The following ENOX1 variants were observed in gnomAD, a reference collection of about 807,000 sequenced individuals.
ENOX1 encodes the protein ecto-NOX disulfide-thiol exchanger 1, also known as candidate growth-related and time keeping constitutive hydroquinone (NADH) oxidase.
Under a neutral mutation model 82.5 loss-of-function variants are expected in ENOX1, and 42 were observed. That is an observed-to-expected ratio of 0.51 (90% confidence interval 0.40 to 0.66). ENOX1 has a LOEUF of 0.66. ENOX1 is among the 30% of genes least tolerant of loss of function. ENOX1 has a pLI of 0.00. For synonymous variants in ENOX1, 271 were observed against 282.2 expected, an observed-to-expected ratio of 0.96 and a Z score of 0.40; for missense variants, 608 against 811.6, an observed-to-expected ratio of 0.75 and a Z score of 3.05.
intron 2 of ENOX1, among the ~76,000 whole-genome samples, chr13:43,504,604 A>G (rs1471240013): frequency 6.6e-6 from 1 of 151,666 alleles, no homozygotes; most frequent in African/African-American, 2.4e-5. Flanking sequence ...TAATATGAGG[A>G]ATCTAAAATA....
chr13:43,450,015 C>T (rs1371679731), intron 3 of ENOX1, among the ~76,000 whole-genome samples: 3 of 152,176 alleles, frequency 2.0e-5, no homozygotes, highest in Non-Finnish European at 2.9e-5. Flanking sequence ...TCCATTACCT[C>T]GGAGGCCTTA....
intron 5 of ENOX1, among the ~76,000 whole-genome samples, chr13:43,372,674 A>G (rs527347701): frequency 1.8e-4 from 28 of 152,244 alleles, no homozygotes; most frequent in Non-Finnish European, 3.2e-4. Context: ...CTCATCTGCT[A>G]TTAAAATTTT....
chr13:43,215,726 G>T (rs1035597615), intron 16 of ENOX1, among the ~76,000 whole-genome samples: 1 of 152,074 alleles, frequency 6.6e-6, no homozygotes, highest in East Asian at 1.9e-4. Context: ...ACAACCAGGG[G>T]TGCTGGGAGG....
chr13:43,322,642 G>A (rs2047882105), intron 10 of ENOX1, 141 bp from the exon 11 acceptor site: 1 of 690,082 alleles, frequency 1.4e-6, no homozygotes, highest in African/African-American at 1.8e-5. Context: ...CTAACCTAAA[G>A]GAGGTTCTGA....
intron 1 of ENOX1, among the ~76,000 whole-genome samples, chr13:43,767,515 G>A (rs748182506): frequency 2.0e-5 from 3 of 152,180 alleles, no homozygotes; most frequent in Non-Finnish European, 2.9e-5. Context: ...ATTGCCTCAC[G>A]CCAAGGAGGG....
chr13:43,319,637 G>T (rs763585785), intron 11 of ENOX1, among the ~76,000 whole-genome samples: 27 of 152,090 alleles, frequency 1.8e-4, no homozygotes, highest in Non-Finnish European at 3.7e-4. Context: ...GGCCCTGGGG[G>T]ACCACAGACA....
intron 5 of ENOX1, among the ~76,000 whole-genome samples, chr13:43,375,644 CTG>C (rs957079971): frequency 9.2e-5 from 14 of 152,178 alleles, no homozygotes; most frequent in Non-Finnish European, 1.8e-4. Flanking sequence ...TGACCATACT[CTG>C]AATAGTATGT....
At chr13:43,692,560 T>G (rs992661047) in intron 1 of ENOX1, among the ~76,000 whole-genome samples, 1 of 152,152 alleles carries the variant, frequency 6.6e-6, no homozygotes, top group Non-Finnish European at 1.5e-5. Context: ...ATAAACTGAT[T>G]TATATGTAGA....
chr13:43,247,089 A>C (rs1005531632), intron 14 of ENOX1, among the ~76,000 whole-genome samples: 1 of 152,226 alleles, frequency 6.6e-6, no homozygotes, highest in Non-Finnish European at 1.5e-5. Flanking sequence ...TGGGAGGCCA[A>C]GGCAAGTGGA....
rs183632767 is a variant in ENOX1, at chr13:43,550,756, T to C, written c.-218-66604A>G. ...ACAAAAACTCTCCTCCTTACAAAGT[T>C]TCTAAGACTTATCTTCAGGGTATGT... On this transcript the variant is annotated intron_variant, in intron 2 of 16. Transcript: ENST00000690772. Among the ~76,000 whole-genome samples, 470 of 152,296 alleles carry C rather than the reference T, an allele frequency of 3.1e-3. 5 individuals are homozygous for C. The highest frequency in any genetic ancestry group is 0.011 in the African/African-American group (449 of 41,546).
chr13:43,428,661 T>A (rs1307815353), intron 3 of ENOX1, among the ~76,000 whole-genome samples: 1 of 152,198 alleles, frequency 6.6e-6, no homozygotes, highest in East Asian at 1.9e-4. Context: ...CTCTTACTTG[T>A]ACCAAATACA....
At chr13:43,754,276 T>C (rs954363380) in intron 1 of ENOX1, among the ~76,000 whole-genome samples, 12 of 146,922 alleles carry the variant, frequency 8.2e-5, no homozygotes, top group African/African-American at 1.7e-4. Flanking sequence ...CACACACACA[T>C]ATATACATAT....
At chr13:43,310,522 C>G (rs114489341) in intron 11 of ENOX1, among the ~76,000 whole-genome samples, 5 of 152,080 alleles carry the variant, frequency 3.3e-5, no homozygotes, top group African/African-American at 1.2e-4. Context: ...TTTTATTGAA[C>G]ATGAGAGGGA....
rs1405303207 is a variant in ENOX1 at position 43,667,460 on chromosome 13, GCA to G, written c.-219+17_-219+18del. The stretch of plus-strand genomic sequence containing the variant: ...AACCAACCTGCTTGTTATTTGTGGT[GCA>G]CATACCATCCCTTTACCTGAGCATG... On this transcript the variant is annotated intron_variant, in intron 2 of 16. Transcript: ENST00000690772. 1.0e-6 allele frequency: 1 copy of G among 985,428 alleles called. No homozygotes were observed. Among genetic ancestry groups the G allele is most frequent in the Non-Finnish European group, 1.2e-6 (1 of 829,864 alleles). The allele number at this position is 985,428 out of a possible 1,614,324, so 61.0% of individuals were successfully genotyped here.
chr13:43,615,754 C>T (rs944620260), intron 2 of ENOX1, among the ~76,000 whole-genome samples: 1 of 151,904 alleles, frequency 6.6e-6, no homozygotes, highest in Non-Finnish European at 1.5e-5. Context: ...CCCCTCACCC[C>T]CCGACAGGCC....
rs115525399 is a variant in ENOX1 at position 43,689,109 on chromosome 13, G to C, written c.-284-21565C>G. ...GTTCAGAGACAAGCATTTGTAGGAG[G>C]TTTCTATGGAGGGATCCGAACTTCC... On this transcript the variant is annotated intron_variant, in intron 1 of 16. Transcript: ENST00000690772. Among the ~76,000 whole-genome samples the C allele has an allele frequency of 4.0e-3, 611 of 152,258 alleles. 5 individuals carry two copies. Among genetic ancestry groups the C allele is most frequent in the African/African-American group, 0.014 (562 of 41,556 alleles).
At chr13:43,478,001 A>G (rs1223383793) in intron 3 of ENOX1, among the ~76,000 whole-genome samples, 1 of 145,626 alleles carries the variant, frequency 6.9e-6, no homozygotes, top group Admixed American at 7.0e-5. Flanking sequence ...CTAACATTTT[A>G]TTAATTTTGG....
At chr13:43,595,988 C>T (rs1486084265) in intron 2 of ENOX1, among the ~76,000 whole-genome samples, 4 of 152,104 alleles carry the variant, frequency 2.6e-5, no homozygotes, top group Admixed American at 1.3e-4. Flanking sequence ...GTGCAAGTAA[C>T]GCATCATATG....
At chr13:43,749,531 A>C (rs540362532) in intron 1 of ENOX1, among the ~76,000 whole-genome samples, 1 of 152,360 alleles carries the variant, frequency 6.6e-6, no homozygotes, top group East Asian at 1.9e-4. Flanking sequence ...TGGTGACAAC[A>C]GCAAGGACAA....
Sources: allele counts gnomAD v4.1 joint callset (sites outside exome capture counted in the v4.1 genomes callset), GRCh38; gene constraint gnomAD v4.1.1; transcripts MANE v1.5; gene names NCBI Gene and HGNC (gene_info 2026-07-23, HGNC 2026-07-21).